EXOC4: variants seen among roughly 807,000 people sequenced by gnomAD.
EXOC4 encodes the protein SEC8-like 1.
EXOC4 carries 71 observed loss-of-function variants against 107.2 expected under a neutral mutation model. The observed-to-expected ratio is 0.66, with a 90% CI of 0.55 to 0.81. The LOEUF (loss-of-function observed/expected upper bound fraction) is 0.81, where lower values mean the gene tolerates loss of function less well. Among genes scored for constraint, EXOC4 ranks in the 30% least tolerant of loss-of-function variants. The pLI is 0.00. For synonymous variants in EXOC4, 456 were observed against 441.2 expected, an observed-to-expected ratio of 1.03 and a Z score of -0.42; for missense variants, 1,108 against 1,189.6, an observed-to-expected ratio of 0.93 and a Z score of 1.01.
chr7:133,357,015 T>G (rs1796036732), intron 6 of EXOC4, among the ~76,000 whole-genome samples: 1 of 152,134 alleles, frequency 6.6e-6, no homozygotes, highest in Non-Finnish European at 1.5e-5. Context: ...CATACAAACT[T>G]TGATTGGTAA....
At chr7:133,564,084 G>C (rs1800860347) in intron 9 of EXOC4, among the ~76,000 whole-genome samples, 1 of 152,142 alleles carries the variant, frequency 6.6e-6, no homozygotes, top group Non-Finnish European at 1.5e-5. Context: ...GTAGCAGGTT[G>C]TATTAGTCCG....
chr7:133,687,920 T>C (rs1433434606), intron 10 of EXOC4, among the ~76,000 whole-genome samples: 1 of 152,200 alleles, frequency 6.6e-6, no homozygotes, highest in African/African-American at 2.4e-5. Flanking sequence ...ACATAAATAT[T>C]TTCATTGCAT....
intron 9 of EXOC4, among the ~76,000 whole-genome samples, chr7:133,554,879 T>G (rs528385198): frequency 6.6e-5 from 10 of 152,354 alleles, no homozygotes; most frequent in African/African-American, 2.2e-4. Context: ...AGTAAATGTT[T>G]GTGGAATTAA....
At chr7:133,314,535 T>C (rs913132602) in intron 4 of EXOC4, among the ~76,000 whole-genome samples, 1 of 152,202 alleles carries the variant, frequency 6.6e-6, no homozygotes, top group Non-Finnish European at 1.5e-5. Context: ...TTTTTCAGAG[T>C]TGAAATGGCA....
intron 17 of EXOC4, among the ~76,000 whole-genome samples, chr7:134,012,433 A>G (rs1794791896): frequency 6.6e-6 from 1 of 152,206 alleles, no homozygotes; most frequent in Non-Finnish European, 1.5e-5. Flanking sequence ...ATCAGAAGTG[A>G]ACCAAAGACT....
At chr7:133,736,752 AGTT>A (rs1385475353) in intron 10 of EXOC4, among the ~76,000 whole-genome samples, 1 of 152,108 alleles carries the variant, frequency 6.6e-6, no homozygotes, top group African/African-American at 2.4e-5. Context: ...TAACCTGGGT[AGTT>A]GTTCTAATCT....
chr7:134,023,848 G>A (rs777108224), intron 17 of EXOC4, among the ~76,000 whole-genome samples: 27 of 152,178 alleles, frequency 1.8e-4, no homozygotes, highest in Admixed American at 3.3e-4. Context: ...TTGTATAGTC[G>A]ACCTGCAGGG....
chr7:133,534,137 T>A (rs1800231490), intron 9 of EXOC4, among the ~76,000 whole-genome samples: 1 of 152,314 alleles, frequency 6.6e-6, no homozygotes, highest in South Asian at 2.1e-4. Context: ...AGCCTCTGCC[T>A]TTTGATGTTT....
In EXOC4 at chr7:134,031,032, C is replaced by T. The variant is rs1182014496; in HGVS notation, c.2687+23197C>T. On this transcript the variant is annotated intron_variant, in intron 17 of 17. Transcript: ENST00000253861. Reference sequence around the variant, plus strand: ...CAGTCAAAAGAAACCACACACTTTACAATTTCATTCATATGAAGGACCAGA... The same window carrying T: ...CAGTCAAAAGAAACCACACACTTTATAATTTCATTCATATGAAGGACCAGA... 3.3e-5 allele frequency among the ~76,000 whole-genome samples: 5 copies of T among 152,258 alleles called. No homozygotes were observed. In the East Asian group the frequency reaches 5.8e-4, roughly 18 times the overall value.
chr7:133,707,032 C>A (rs1410302672), intron 10 of EXOC4, among the ~76,000 whole-genome samples: 4 of 151,692 alleles, frequency 2.6e-5, no homozygotes, highest in African/African-American at 9.7e-5. Context: ...TAAACCAGAG[C>A]TCTTGTAAGA....
intron 14 of EXOC4, among the ~76,000 whole-genome samples, chr7:133,976,235 G>A (rs1793829301): frequency 6.6e-6 from 1 of 152,136 alleles, no homozygotes; most frequent in South Asian, 2.1e-4. Context: ...TGAATATAAT[G>A]TTAAGAAAAA....
At chr7:133,672,924 G>T (rs1457759633) in intron 10 of EXOC4, among the ~76,000 whole-genome samples, 1 of 152,070 alleles carries the variant, frequency 6.6e-6, no homozygotes, top group Non-Finnish European at 1.5e-5. Context: ...AAATTAATGG[G>T]TTACTCGATT....
chr7:133,649,182 A>G (rs899824823), intron 10 of EXOC4, among the ~76,000 whole-genome samples: 1 of 152,088 alleles, frequency 6.6e-6, no homozygotes, highest in Non-Finnish European at 1.5e-5. Context: ...TTTCTTCCCA[A>G]TGTTTGCAAA....
intron 10 of EXOC4, among the ~76,000 whole-genome samples, chr7:133,726,435 G>T (rs553285287): frequency 6.6e-6 from 1 of 152,298 alleles, no homozygotes; most frequent in Admixed American, 6.5e-5. Context: ...ACTGACTTCT[G>T]TTGAGTTCTA....
intron 4 of EXOC4, among the ~76,000 whole-genome samples, chr7:133,307,268 C>A (rs928100801): frequency 5.9e-5 from 9 of 152,156 alleles, no homozygotes; most frequent in Non-Finnish European, 1.2e-4. Flanking sequence ...AAACTTCTGC[C>A]AGGCACACAG....
intron 9 of EXOC4, among the ~76,000 whole-genome samples, chr7:133,523,312 T>C (rs1206444591): frequency 6.6e-6 from 1 of 152,154 alleles, no homozygotes; most frequent in Non-Finnish European, 1.5e-5. Context: ...TCCTATAAAT[T>C]AGTTTGGGGA....
At chr7:133,588,046 A>G (rs1801447519) in intron 9 of EXOC4, among the ~76,000 whole-genome samples, 1 of 152,140 alleles carries the variant, frequency 6.6e-6, no homozygotes, top group South Asian at 2.1e-4. Flanking sequence ...TGACATTTTT[A>G]CTATTGTTAG....
chr7:133,486,558 T>C (rs1207058927), intron 9 of EXOC4, among the ~76,000 whole-genome samples: 1 of 152,220 alleles, frequency 6.6e-6, no homozygotes, highest in African/African-American at 2.4e-5. Context: ...GAAAATTCTT[T>C]GTTGCCTTCT....
intron 10 of EXOC4, among the ~76,000 whole-genome samples, chr7:133,632,202 C>T (rs912663159): frequency 1.3e-5 from 2 of 152,060 alleles, no homozygotes; most frequent in Admixed American, 1.3e-4. Context: ...ATAAATGCTG[C>T]TTTGCTAGAT....
Sources: gnomAD v4.1 joint callset for allele counts (sites outside exome capture counted in the v4.1 genomes callset) on GRCh38, gnomAD v4.1.1 for gene constraint, MANE v1.5 for transcripts, NCBI Gene and HGNC (gene_info 2026-07-23, HGNC 2026-07-21) for gene names.